Variants in PCDH1 observed in about 807,000 individuals in gnomAD.
PCDH1 encodes the protein protocadherin 1.
A neutral mutation model predicts 74.6 loss-of-function variants in PCDH1; 23 were observed. That is an observed-to-expected ratio of 0.31 (90% confidence interval 0.22 to 0.44). The LOEUF is 0.44. Ranked by LOEUF, PCDH1 falls within the 20% of genes least tolerant of loss-of-function variation. The probability of loss-of-function intolerance (pLI) is 1.00; values close to 1 mark genes in which losing one functional copy is unlikely to be tolerated. For synonymous variants in PCDH1, 647 were observed against 686.1 expected, an observed-to-expected ratio of 0.94 and a Z score of 0.89; for missense variants, 1,214 against 1,641.4, an observed-to-expected ratio of 0.74 and a Z score of 4.50.
intron 3 of PCDH1, among the ~76,000 whole-genome samples, chr5:141,859,376 C>T (rs1193468058): frequency 2.0e-5 from 3 of 152,066 alleles, no homozygotes; most frequent in African/African-American, 7.2e-5. Flanking sequence ...TGGGTTATAC[C>T]CAACACTTAA....
At chr5:141,872,711 G>A (rs182715504) in intron 1 of PCDH1, among the ~76,000 whole-genome samples, 2 of 152,258 alleles carry the variant, frequency 1.3e-5, no homozygotes, top group South Asian at 2.1e-4. Flanking sequence ...CTCCCCACAC[G>A]CTCTTTCTCA....
chr5:141,853,965 A>C lies in PCDH1; in HGVS notation c.*77T>G. On this transcript the variant is annotated 3_prime_UTR_variant, in exon 5 of 5. Transcript: ENST00000287008. ...CAGGAAGTCCACGCTGAAGGGGTGG[A>C]GAGTGAGGCCCTGGAATGGGCCATT... 2 of 1,300,044 alleles carry C rather than the reference A, an allele frequency of 1.5e-6. No individual in the cohort carries two copies. Among genetic ancestry groups the C allele is most frequent in the South Asian group, 3.3e-5 (2 of 60,930 alleles). The allele number at this position is 1,300,044 out of a possible 1,614,324, so 80.5% of individuals were successfully genotyped here. A position where few individuals can be genotyped will look rare whatever the true frequency, so the allele number is the denominator to read the frequency against.
At chr5:141,866,213 C>CCCGACTGGCA (rs1596556207) in intron 2 of PCDH1, 3 of 985,442 alleles carry the variant, frequency 3.0e-6, no homozygotes, top group African/African-American at 3.5e-5. Context: ...AACTTCTCCT[C>CCCGACTGGCA]CCGACTGGCA....
intron 3 of PCDH1, among the ~76,000 whole-genome samples, chr5:141,861,195 A>G (rs1184134654): frequency 1.3e-5 from 2 of 150,048 alleles, no homozygotes; most frequent in East Asian, 4.0e-4. Context: ...GAAAAGCTTT[A>G]GTAGGGCACT....
At position 141,854,108 on chromosome 5, in the gene PCDH1, G is replaced by C. The variant is rs201489575; in HGVS notation, c.3648C>G (p.Thr1216=). ...ATLEEIPLTQ[T]SDFPPAATPA... ...GTGTGGCTGCGGGTGGGAAGTCCGA[G>C]GTCTGGGTCAGGGGGATTTCCTCCA... Residue 1216 remains threonine, a synonymous_variant, in exon 5 of 5, where the codon ACC becomes ACG. Transcript: ENST00000287008. 1 of 1,566,474 alleles carries C rather than the reference G, an allele frequency of 6.4e-7. No individual in the cohort carries two copies. Among genetic ancestry groups the C allele is most frequent in the East Asian group, 2.3e-5 (1 of 44,262 alleles).
intron 1 of PCDH1, among the ~76,000 whole-genome samples, chr5:141,873,957 T>C (rs1561489616): frequency 6.6e-6 from 1 of 152,176 alleles, no homozygotes; most frequent in Admixed American, 6.5e-5. Context: ...AAGAATAAAC[T>C]GTCTTAAGTC....
At chr5:141,871,100 A>G (rs1056080283) in intron 1 of PCDH1, among the ~76,000 whole-genome samples, 1 of 152,218 alleles carries the variant, frequency 6.6e-6, no homozygotes, top group Non-Finnish European at 1.5e-5. Context: ...CAGCTTCAGT[A>G]TTGTGCACCT....
chr5:141,866,226 G>A lies in PCDH1; in HGVS notation c.904-799C>T, dbSNP rs1449443881. ...GCAACTTCTCCTCCCGACTGGCACC[G>A]GCTGGCGAGGCACCAATGCGAGGAA... On this transcript the variant is annotated intron_variant, in intron 2 of 4. Transcript: ENST00000287008. 11 of 985,482 alleles carry A rather than the reference G, an allele frequency of 1.1e-5. No individual in the cohort carries two copies. The South Asian group carries it at 1.9e-4, about 17-fold the overall frequency. The allele number at this position is 985,482 out of a possible 1,614,324, so 61.0% of individuals were successfully genotyped here.
intron 1 of PCDH1, among the ~76,000 whole-genome samples, chr5:141,877,710 C>G (rs1303243861): frequency 1.3e-5 from 2 of 152,168 alleles, no homozygotes; most frequent in Non-Finnish European, 2.9e-5. Context: ...TGCACATATG[C>G]AGGGATGTAT....
Position 141,869,716 on chromosome 5 carries a change from C to G in PCDH1, c.41-285G>C. 1 of 1,484,786 alleles carries G rather than the reference C, an allele frequency of 6.7e-7. No individual in the cohort carries two copies. The highest frequency in any genetic ancestry group is 8.9e-7 in the Non-Finnish European group (1 of 1,117,396). The allele number at this position is 1,484,786 out of a possible 1,614,324, so 92.0% of individuals were successfully genotyped here. Reference sequence around the variant, plus strand: ...AACACCCTCACCCACCTGACGCTCCCTGGGCCCAAGCCCGGCTGCCCGCCC... The same window carrying G: ...AACACCCTCACCCACCTGACGCTCCGTGGGCCCAAGCCCGGCTGCCCGCCC... On this transcript the variant is annotated intron_variant, in intron 1 of 4. Coordinates refer to ENST00000287008, the MANE Select transcript of PCDH1 (RefSeq NM_032420.5). This position sits in a 1 kb window ranked among gnomAD's most constrained non-coding sequence, Gnocchi z 4.9.
Position 141,869,468 on chromosome 5 carries a change from G to A in PCDH1, c.41-37C>T, listed in dbSNP as rs1188238295. 1 of 1,589,726 alleles carries A rather than the reference G, an allele frequency of 6.3e-7. No homozygotes were observed. Among genetic ancestry groups the A allele is most frequent in the African/African-American group, 1.3e-5 (1 of 74,870 alleles). On this transcript the variant is annotated intron_variant, in intron 1 of 4. Coordinates refer to ENST00000287008, the MANE Select transcript of PCDH1 (RefSeq NM_032420.5). The surrounding 1 kb of genome is among the most constrained non-coding windows in gnomAD (Gnocchi z 4.9). The stretch of plus-strand genomic sequence containing the variant: ...AGAGGCAAAACAGAGGCCATGAGCT[G>A]GGAAGAAAAGCCTGGCCCTGAGCTG...
intron 2 of PCDH1, among the ~76,000 whole-genome samples, chr5:141,867,233 G>A (rs1334603987): frequency 6.6e-6 from 1 of 152,072 alleles, no homozygotes; most frequent in Non-Finnish European, 1.5e-5. Flanking sequence ...CTTTCCCACA[G>A]CCTGTTTTCT....
Position 141,853,636 on chromosome 5 carries a change from G to T in PCDH1, c.*406C>A, listed in dbSNP as rs1752205836. ...GCTCCCCAGTTCAGCCCTGCTTCAG[G>T]GCTAAAATTGGGCATGCTATCCCCG... On this transcript the variant is annotated 3_prime_UTR_variant, in exon 5 of 5. Transcript: ENST00000287008. The T allele has an allele frequency of 3.1e-5, 5 of 160,278 alleles. No homozygotes were observed. In the Admixed American group the frequency reaches 3.2e-4, roughly 10 times the overall value. 9.9% of individuals were successfully genotyped at this position (160,278 alleles called of 1,614,324 possible).
rs10213790 is a variant in PCDH1 at position 141,853,804 on chromosome 5, A to C, written c.*238T>G. ...GCAGAGGAGCCCTCTTGGGCATCAG[A>C]TGGGGGAAGCCCCATAAAGGGGAAG... On this transcript the variant is annotated 3_prime_UTR_variant, in exon 5 of 5. Coordinates refer to ENST00000287008, the MANE Select transcript of PCDH1 (RefSeq NM_032420.5). The C allele has an allele frequency of 0.99, 394,799 of 398,648 alleles. 195,618 individuals are homozygous for C. Among genetic ancestry groups the C allele is most frequent in the East Asian group, 1 (27,882 of 27,882 alleles). The allele number at this position is 398,648 out of a possible 1,614,324, so 24.7% of individuals were successfully genotyped here.
Position 141,869,526 on chromosome 5 carries a change from C to T in PCDH1, c.41-95G>A. On this transcript the variant is annotated intron_variant, in intron 1 of 4. Coordinates refer to ENST00000287008, the MANE Select transcript of PCDH1 (RefSeq NM_032420.5). This position sits in a 1 kb window ranked among gnomAD's most constrained non-coding sequence, Gnocchi z 4.9. Reference sequence around the variant, plus strand: ...CTGGCCCCATACTCACCCTCTCCCACTGACACACGATTCTCCACAAGAGCA... The same window carrying T: ...CTGGCCCCATACTCACCCTCTCCCATTGACACACGATTCTCCACAAGAGCA... 2 of 1,547,440 alleles carry T rather than the reference C, an allele frequency of 1.3e-6. No individual in the cohort carries two copies. The highest frequency in any genetic ancestry group is 1.2e-5 in the South Asian group (1 of 84,722).
At chr5:141,866,366 G>A (rs529484380) in intron 2 of PCDH1, among the ~76,000 whole-genome samples, 34 of 152,322 alleles carry the variant, frequency 2.2e-4, no homozygotes, top group African/African-American at 4.8e-4. Flanking sequence ...TGCAGTCAGC[G>A]GGCACACCCT....
chr5:141,863,755 G>A lies in PCDH1; in HGVS notation c.2576C>T (p.Ala859Val). The A allele has an allele frequency of 6.2e-7, 1 of 1,614,174 alleles. No individual in the cohort carries two copies. The highest frequency in any genetic ancestry group is 8.5e-7 in the Non-Finnish European group (1 of 1,180,026). ...QRGNILFGVV[A>V]GVVAVALLIA... ...GAGCAAGGCCACGGCCACCACACCA[G>A]CCACCACACCAAAGAGAATGTTGCC... Residue 859 changes from alanine (A) to valine (V), a missense_variant, in exon 3 of 5, where the codon GCT becomes GTT. Ala to Val is a moderately conservative substitution (Grantham distance 64). This residue lies in a region of PCDH1 where 836 missense variants were observed against 1,182.2 expected (regional missense o/e 0.71). Transcript: ENST00000287008. This position sits in a 1 kb window ranked among gnomAD's most constrained non-coding sequence, Gnocchi z 7.5.
chr5:141,878,315 G>A lies in PCDH1; in HGVS notation c.-53C>T. 1 of 1,190,974 alleles carries A rather than the reference G, an allele frequency of 8.4e-7. No homozygotes were observed. The highest frequency in any genetic ancestry group is 1.0e-6 in the Non-Finnish European group (1 of 960,250). 73.8% of individuals were successfully genotyped at this position (1,190,974 alleles called of 1,614,324 possible). ...GCGGCTCCGCACGGCTGGGGCTGGA[G>A]CTGCAGTTCGGGCTCCGGCTCCGGC... On this transcript the variant is annotated 5_prime_UTR_variant, in exon 1 of 5. Transcript: ENST00000287008. The surrounding 1 kb of genome is among the most constrained non-coding windows in gnomAD (Gnocchi z 5.5).
chr5:141,876,536 G>T (rs1377463027), intron 1 of PCDH1, among the ~76,000 whole-genome samples: 1 of 152,220 alleles, frequency 6.6e-6, no homozygotes, highest in Non-Finnish European at 1.5e-5. Flanking sequence ...CCTCAGTGCC[G>T]CCCCCAGTCT....
Sources: gnomAD v4.1 joint callset for allele counts (sites outside exome capture counted in the v4.1 genomes callset) on GRCh38, gnomAD v4.1.1 for gene constraint, gnomAD v4.1.1 regional missense constraint, Gnocchi (gnomAD v3.1) non-coding constraint, MANE v1.5 for transcripts, NCBI Gene and HGNC (gene_info 2026-07-23, HGNC 2026-07-21) for gene names.